KAZN: variants seen among roughly 807,000 people sequenced by gnomAD.
The protein encoded by KAZN is kazrin.
In KAZN, 40 loss-of-function variants were observed where a neutral mutation model predicts 87.4. The observed-to-expected ratio is 0.46, with a 90% CI of 0.36 to 0.60. The LOEUF is 0.60. Ranked by LOEUF, KAZN falls within the 20% of genes least tolerant of loss-of-function variation. The probability of loss-of-function intolerance (pLI) is 0.00; values close to 1 mark genes in which losing one functional copy is unlikely to be tolerated. For missense variants in KAZN, 898 were observed against 1,073.9 expected (o/e 0.84, Z 2.29); for synonymous variants, 466 against 458.3 (o/e 1.02, Z -0.22).
chr1:14,896,009 C>A (rs1236061582), intron 1 of KAZN, among the ~76,000 whole-genome samples: 7 of 146,858 alleles, frequency 4.8e-5, no homozygotes, highest in Non-Finnish European at 1.0e-4. Flanking sequence ...TATTCCAGGA[C>A]AAAGGTCAGT....
chr1:14,649,782 A>G (rs1182367476), intron 1 of KAZN, among the ~76,000 whole-genome samples: 1 of 152,204 alleles, frequency 6.6e-6, no homozygotes, highest in Non-Finnish European at 1.5e-5. Context: ...CCTCACTCCA[A>G]CATCATCTTA....
At chr1:15,000,047 C>A (rs1372278073) in intron 2 of KAZN, among the ~76,000 whole-genome samples, 2 of 152,006 alleles carry the variant, frequency 1.3e-5, no homozygotes, top group Non-Finnish European at 2.9e-5. Context: ...GACGGAGGAT[C>A]TTGAGATGGG....
intron 2 of KAZN, among the ~76,000 whole-genome samples, chr1:14,390,254 A>G (rs967436857): frequency 6.6e-6 from 1 of 152,258 alleles, no homozygotes; most frequent in African/African-American, 2.4e-5. Flanking sequence ...CATACAAAAA[A>G]CAGGCTCTTG....
chr1:14,497,210 C>A (rs2148420015), intron 2 of KAZN, among the ~76,000 whole-genome samples: 1 of 152,006 alleles, frequency 6.6e-6, no homozygotes, highest in East Asian at 1.9e-4. Flanking sequence ...GAGATTCTGA[C>A]TAATAAGCAG....
chr1:15,002,750 C>T (rs1668616102), intron 2 of KAZN, among the ~76,000 whole-genome samples: 1 of 151,844 alleles, frequency 6.6e-6, no homozygotes, highest in Non-Finnish European at 1.5e-5. Context: ...CCAAGGCAGG[C>T]AGATCACTTG....
intron 1 of KAZN, among the ~76,000 whole-genome samples, chr1:14,872,859 G>A (rs1244820015): frequency 6.6e-6 from 1 of 151,972 alleles, no homozygotes; most frequent in Non-Finnish European, 1.5e-5. Flanking sequence ...CGGATACATA[G>A]ATGAATAGAT....
chr1:14,559,916 G>A (rs867616787), intron 2 of KAZN, among the ~76,000 whole-genome samples: 4 of 152,188 alleles, frequency 2.6e-5, no homozygotes, highest in Non-Finnish European at 4.4e-5. Flanking sequence ...CCAAGACCTA[G>A]GGCTGGTTCA....
chr1:14,908,152 C>T (rs1437499776), intron 1 of KAZN, among the ~76,000 whole-genome samples: 2 of 152,204 alleles, frequency 1.3e-5, no homozygotes, highest in Non-Finnish European at 2.9e-5. Flanking sequence ...AATGCCAGCA[C>T]TTTGGGAGGC....
At chr1:14,563,253 C>A (rs1256680022) in intron 2 of KAZN, among the ~76,000 whole-genome samples, 2 of 152,222 alleles carry the variant, frequency 1.3e-5, no homozygotes, top group Non-Finnish European at 2.9e-5. Flanking sequence ...TCACCAGTAG[C>A]TCCTGGAGCT....
chr1:14,867,527 C>T (rs1651605084), intron 1 of KAZN, among the ~76,000 whole-genome samples: 1 of 152,160 alleles, frequency 6.6e-6, no homozygotes, highest in Admixed American at 6.5e-5. Flanking sequence ...CTGTTTCCAG[C>T]TCTGTGAAGT....
chr1:14,147,831 C>T lies in KAZN; in HGVS notation c.92-32604C>T, dbSNP rs74226300. ...ACAACAAAAAAACTAAAGGTCACTA[C>T]GTAGAAACCTTTCTAAAGTGGTGCC... On this transcript the variant is annotated intron_variant, in intron 1 of 16. Coordinates refer to the KAZN transcript ENST00000636203. Among the ~76,000 whole-genome samples the T allele has an allele frequency of 9.0e-4, 137 of 151,510 alleles. 1 individual carries two copies. The East Asian group carries it at 0.024, about 26-fold the overall frequency.
At chr1:14,023,817 G>A (rs774548402) in intron 1 of KAZN, among the ~76,000 whole-genome samples, 15 of 152,202 alleles carry the variant, frequency 9.9e-5, no homozygotes, top group Middle Eastern at 3.4e-3. Flanking sequence ...CACACACAGC[G>A]GACTCTCAAG....
intron 2 of KAZN, among the ~76,000 whole-genome samples, chr1:14,550,330 C>T (rs1019366325): frequency 5.3e-5 from 8 of 151,814 alleles, no homozygotes; most frequent in Admixed American, 6.6e-5. Context: ...GAGAATGGAA[C>T]GGGGGAAAAA....
intron 2 of KAZN, among the ~76,000 whole-genome samples, chr1:14,449,206 G>C (rs979392851): frequency 6.6e-6 from 1 of 152,166 alleles, no homozygotes; most frequent in Non-Finnish European, 1.5e-5. Context: ...ACCATGCCAT[G>C]AGGACTTAGT....
At chr1:15,038,553 C>G (rs544817053) in intron 3 of KAZN, among the ~76,000 whole-genome samples, 1 of 152,332 alleles carries the variant, frequency 6.6e-6, no homozygotes, top group East Asian at 1.9e-4. Flanking sequence ...TGTGCACCTA[C>G]TGTATACAGG....
At chr1:14,501,004 T>A (rs1401348980) in intron 2 of KAZN, among the ~76,000 whole-genome samples, 1 of 151,792 alleles carries the variant, frequency 6.6e-6, no homozygotes, top group East Asian at 1.9e-4. Flanking sequence ...CACTGGTGAA[T>A]TCTACTAAAT....
upstream of KAZN, among the ~76,000 whole-genome samples, chr1:14,597,649 C>G (rs1572012775): frequency 6.6e-6 from 1 of 152,050 alleles, no homozygotes; most frequent in African/African-American, 2.4e-5. Flanking sequence ...CATTTTTCCT[C>G]GCAGCACCCC....
intron 1 of KAZN, among the ~76,000 whole-genome samples, chr1:14,948,351 T>C (rs185806625): frequency 3.3e-5 from 5 of 152,296 alleles, no homozygotes; most frequent in Admixed American, 6.5e-5. Context: ...CCCCTCCCAA[T>C]GGCAAGACAG....
At chr1:13,904,500 G>A (rs1251275871) in intron 1 of KAZN, among the ~76,000 whole-genome samples, 2 of 152,290 alleles carry the variant, frequency 1.3e-5, no homozygotes, top group East Asian at 3.9e-4. Flanking sequence ...TCTCTAGAAT[G>A]TTTAGTTTTA....
Sources: allele counts gnomAD v4.1 joint callset (sites outside exome capture counted in the v4.1 genomes callset), GRCh38; gene constraint gnomAD v4.1.1; transcripts MANE v1.5; gene names NCBI Gene and HGNC (gene_info 2026-07-23, HGNC 2026-07-21).